UNC5D: variants seen among roughly 807,000 people sequenced by gnomAD.
The protein encoded by UNC5D is unc-5 netrin receptor D.
UNC5D carries 39 observed loss-of-function variants against 105.4 expected under a neutral mutation model. The observed-to-expected ratio is 0.37, with a 90% CI of 0.29 to 0.48. The LOEUF is 0.48. Among genes scored for constraint, UNC5D ranks in the 20% least tolerant of loss-of-function variants. The pLI is 0.98. For synonymous variants in UNC5D, 452 were observed against 450.4 expected, an observed-to-expected ratio of 1.00 and a Z score of -0.04; for missense variants, 991 against 1,202.4, an observed-to-expected ratio of 0.82 and a Z score of 2.60.
intron 1 of UNC5D, among the ~76,000 whole-genome samples, chr8:35,417,460 G>A (rs1169367239): frequency 2.0e-5 from 3 of 150,272 alleles, no homozygotes; most frequent in African/African-American, 7.6e-5. Flanking sequence ...ATTTTAAATA[G>A]GATTGATGTG....
intron 1 of UNC5D, among the ~76,000 whole-genome samples, chr8:35,545,469 C>A (rs1815589666): frequency 6.6e-6 from 1 of 152,014 alleles, no homozygotes; most frequent in African/African-American, 2.4e-5. Context: ...AAGGGGTGTC[C>A]TCCTGGAGAG....
chr8:35,700,904 A>G (rs1025395573), intron 7 of UNC5D, among the ~76,000 whole-genome samples: 17 of 152,204 alleles, frequency 1.1e-4, no homozygotes, highest in African/African-American at 4.1e-4. Context: ...AATAGATACA[A>G]AAGGCAGACT....
At chr8:35,251,403 C>G (rs373471971) in intron 1 of UNC5D, among the ~76,000 whole-genome samples, 2 of 152,110 alleles carry the variant, frequency 1.3e-5, no homozygotes. Flanking sequence ...TATCTCCCAC[C>G]GGATCCCTCC....
At chr8:35,474,203 A>C (rs1393565104) in intron 1 of UNC5D, among the ~76,000 whole-genome samples, 1 of 152,212 alleles carries the variant, frequency 6.6e-6, no homozygotes, top group Non-Finnish European at 1.5e-5. Flanking sequence ...AGATATTACC[A>C]ATTGTAATTT....
intron 1 of UNC5D, among the ~76,000 whole-genome samples, chr8:35,324,254 A>AAAAAAAAAAAAT (rs1809978474): frequency 1.3e-5 from 2 of 150,734 alleles, no homozygotes; most frequent in Admixed American, 6.6e-5. Context: ...AAAAAAAAAA[A>AAAAAAAAAAAAT]GTGATGAGTC....
chr8:35,729,471 T>C (rs1342603095), intron 10 of UNC5D, among the ~76,000 whole-genome samples: 2 of 152,222 alleles, frequency 1.3e-5, no homozygotes, highest in Non-Finnish European at 2.9e-5. Context: ...TTTCCTGTAC[T>C]TCTAAGTCTG....
chr8:35,377,456 G>A (rs1241146632), intron 1 of UNC5D, among the ~76,000 whole-genome samples: 7 of 152,268 alleles, frequency 4.6e-5, no homozygotes, highest in Middle Eastern at 3.4e-3. Flanking sequence ...TGCAGGGCCC[G>A]GGATTGGGGT....
At chr8:35,451,432 TTA>T (rs1024366920) in intron 1 of UNC5D, among the ~76,000 whole-genome samples, 1 of 152,056 alleles carries the variant, frequency 6.6e-6, no homozygotes, top group African/African-American at 2.4e-5. Context: ...TTTAAGCTCT[TTA>T]TATATATTAA....
intron 1 of UNC5D, among the ~76,000 whole-genome samples, chr8:35,517,105 T>C (rs1350558263): frequency 2.6e-5 from 4 of 152,180 alleles, no homozygotes; most frequent in South Asian, 2.1e-4. Flanking sequence ...AGCCTTTTGG[T>C]AGTTGAGAGT....
chr8:35,635,145 C>T (rs1255777833), intron 4 of UNC5D, among the ~76,000 whole-genome samples: 1 of 152,124 alleles, frequency 6.6e-6, no homozygotes, highest in African/African-American at 2.4e-5. Flanking sequence ...CTCTATCCTT[C>T]AGCACCGTAA....
intron 1 of UNC5D, chr8:35,525,570 T>G: frequency 6.2e-7 from 1 of 1,612,908 alleles, no homozygotes; most frequent in South Asian, 1.1e-5. Context: ...TATTTCCACT[T>G]CTGAAACATA....
chr8:35,378,972 A>G (rs1015480073), intron 1 of UNC5D, among the ~76,000 whole-genome samples: 2 of 152,190 alleles, frequency 1.3e-5, no homozygotes, highest in African/African-American at 4.8e-5. Flanking sequence ...AGTGGATGTG[A>G]TTCAGCAGGT....
intron 4 of UNC5D, among the ~76,000 whole-genome samples, chr8:35,619,380 T>C (rs1821218795): frequency 6.6e-6 from 1 of 152,138 alleles, no homozygotes; most frequent in Non-Finnish European, 1.5e-5. Context: ...CCCAGGAAGT[T>C]CAATTAGTTT....
intron 16 of UNC5D, among the ~76,000 whole-genome samples, chr8:35,779,039 T>C (rs764701561): frequency 1.3e-5 from 2 of 152,200 alleles, no homozygotes; most frequent in Non-Finnish European, 2.9e-5. Context: ...TAGATAACAG[T>C]TGTAGTTATA....
At chr8:35,521,661 T>G (rs1457724824) in intron 1 of UNC5D, among the ~76,000 whole-genome samples, 8 of 152,200 alleles carry the variant, frequency 5.3e-5, no homozygotes, top group Admixed American at 6.5e-5. Flanking sequence ...TGCTGTAATT[T>G]CCAGCCCTGT....
At chr8:35,653,170 C>T (rs892055481) in intron 4 of UNC5D, among the ~76,000 whole-genome samples, 9 of 151,920 alleles carry the variant, frequency 5.9e-5, no homozygotes, top group Non-Finnish European at 1.0e-4. Context: ...CCTCATGATT[C>T]GCCCACTTCA....
Position 35,271,728 on chromosome 8 carries a change from T to TATATATGTATACCTGTATACAG in UNC5D, c.103+35841_103+35842insATATATGTATACCTGTATACAG, listed in dbSNP as rs1563268399. The stretch of plus-strand genomic sequence containing the variant: ...ACATATATATTTATACATGTATACA[T>TATATATGTATACCTGTATACAG]GTATACATATATATTTATACATGTA... On this transcript the variant is annotated intron_variant, in intron 1 of 16. Transcript: ENST00000404895. Among the ~76,000 whole-genome samples the TATATATGTATACCTGTATACAG allele has an allele frequency of 9.7e-3, 1,165 of 120,232 alleles. 78 individuals are homozygous for TATATATGTATACCTGTATACAG. Among genetic ancestry groups the TATATATGTATACCTGTATACAG allele is most frequent in the African/African-American group, 0.039 (1,120 of 28,510 alleles). 78.9% of individuals were successfully genotyped at this position (120,232 alleles called of 152,430 possible).
At chr8:35,302,417 G>T (rs548042384) in intron 1 of UNC5D, among the ~76,000 whole-genome samples, 91 of 152,280 alleles carry the variant, frequency 6.0e-4, no homozygotes, top group Non-Finnish European at 1.1e-3. Flanking sequence ...TGAGAGCATC[G>T]CAGGGCACTC....
intron 1 of UNC5D, among the ~76,000 whole-genome samples, chr8:35,277,540 C>G (rs1371686693): frequency 6.6e-6 from 1 of 152,102 alleles, no homozygotes; most frequent in African/African-American, 2.4e-5. Context: ...TATTCTTACC[C>G]CTGAGTCTTG....
Sources: gnomAD v4.1 joint callset for allele counts (sites outside exome capture counted in the v4.1 genomes callset) on GRCh38, gnomAD v4.1.1 for gene constraint, MANE v1.5 for transcripts, NCBI Gene and HGNC (gene_info 2026-07-23, HGNC 2026-07-21) for gene names.